Variants in VSTM2L observed in about 807,000 individuals in gnomAD.
VSTM2L encodes V-set and transmembrane domain-containing protein 2-like protein.
In VSTM2L, 9 loss-of-function variants were observed where a neutral mutation model predicts 19.9. The ratio of observed to expected loss-of-function variants is 0.45; its 90% CI spans 0.27 to 0.79. VSTM2L has a LOEUF of 0.79. Ranked by LOEUF, VSTM2L falls within the 30% of genes least tolerant of loss-of-function variation. VSTM2L has a pLI of 0.15. For synonymous variants in VSTM2L, 127 were observed against 133.8 expected, an observed-to-expected ratio of 0.95 and a Z score of 0.35; for missense variants, 286 against 295.5, an observed-to-expected ratio of 0.97 and a Z score of 0.24.
chr20:37,924,614 A>G (rs573870891), intron 1 of VSTM2L, among the ~76,000 whole-genome samples: 41 of 152,206 alleles, frequency 2.7e-4, no homozygotes, highest in African/African-American at 9.9e-4. Flanking sequence ...AGAGCTAGGC[A>G]CGGTGCCTGG....
chr20:37,930,509 C>T (rs535315470), intron 1 of VSTM2L, among the ~76,000 whole-genome samples: 15 of 152,182 alleles, frequency 9.9e-5, no homozygotes, highest in South Asian at 4.2e-4. Flanking sequence ...CGTTGCCAGG[C>T]GTCTTTCCAG....
At chr20:37,939,005 G>T (rs955291754) in intron 3 of VSTM2L, among the ~76,000 whole-genome samples, 2 of 152,184 alleles carry the variant, frequency 1.3e-5, no homozygotes, top group East Asian at 1.9e-4. Context: ...GGTGGGTAAG[G>T]TGTGGCCTCT....
chr20:37,928,078 C>A (rs1400585176), intron 1 of VSTM2L, among the ~76,000 whole-genome samples: 2 of 152,176 alleles, frequency 1.3e-5, no homozygotes, highest in African/African-American at 2.4e-5. Context: ...CCTGGAGAGG[C>A]CACAGCCGTG....
At position 37,944,888 on chromosome 20, in the gene VSTM2L, G is replaced by T; in HGVS notation, c.*635G>T. On this transcript the variant is annotated 3_prime_UTR_variant, in exon 4 of 4. Coordinates refer to ENST00000373461, the MANE Select transcript of VSTM2L (RefSeq NM_080607.3). ...CCTGTGCGACCCTCCAGGGATGCAGGGGATCCAGGATTCTCTGCCCTGTCA... is the reference window on the plus strand; with the variant it reads ...CCTGTGCGACCCTCCAGGGATGCAGTGGATCCAGGATTCTCTGCCCTGTCA... The T allele has an allele frequency of 1.0e-6, 1 of 985,960 alleles. No homozygotes were observed. The highest frequency in any genetic ancestry group is 1.2e-6 in the Non-Finnish European group (1 of 830,058). The allele number at this position is 985,960 out of a possible 1,614,324, so 61.1% of individuals were successfully genotyped here.
At chr20:37,914,114 TGTG>T (rs1233918797) in intron 1 of VSTM2L, among the ~76,000 whole-genome samples, 3 of 150,912 alleles carry the variant, frequency 2.0e-5, no homozygotes, top group Non-Finnish European at 3.0e-5. Context: ...AAGAGGGAAT[TGTG>T]TGTGTGTGTG....
chr20:37,937,018 C>G (rs571071444), intron 3 of VSTM2L, among the ~76,000 whole-genome samples: 1 of 151,888 alleles, frequency 6.6e-6, no homozygotes, highest in South Asian at 2.1e-4. Flanking sequence ...GTCAGGAGTT[C>G]GTGACAAGCC....
chr20:37,903,454 A>G lies in VSTM2L; in HGVS notation c.104A>G (p.Asn35Ser). Reference protein sequence around the residue: ...TRPAGHAPWDNHVSGHALFTE... With the variant: ...TRPAGHAPWDSHVSGHALFTE... The stretch of plus-strand genomic sequence containing the variant: ...CCCGCCGGCCACGCGCCCTGGGACA[A>G]CCACGTCTCCGGCCACGGTGAGTTC... The change falls in exon 1 of 4, where the codon AAC becomes AGC. Residue 35 changes from asparagine to serine, a missense_variant. Coordinates refer to ENST00000373461, the MANE Select transcript of VSTM2L (RefSeq NM_080607.3). 1 of 1,481,986 alleles carries G rather than the reference A, an allele frequency of 6.7e-7. No individual in the cohort carries two copies. Among genetic ancestry groups the G allele is most frequent in the Non-Finnish European group, 8.9e-7 (1 of 1,122,724 alleles). 91.8% of individuals were successfully genotyped at this position (1,481,986 alleles called of 1,614,324 possible). A position where few individuals can be genotyped will look rare whatever the true frequency, so the allele number is the denominator to read the frequency against.
rs145823007 is a variant in VSTM2L at position 37,908,757 on chromosome 20, C to G, written c.121+5286C>G. 1.2e-3 allele frequency among the ~76,000 whole-genome samples: 179 copies of G among 152,216 alleles called. 5 individuals carry two copies. In the South Asian group the frequency reaches 0.035, roughly 30 times the overall value. On this transcript the variant is annotated intron_variant, in intron 1 of 3. Transcript: ENST00000373461. ...GATGGAGGTTGCAGTGAGCTGAGAT[C>G]GTGCCACTGCACTCCAGCCTGGTTG...
At chr20:37,943,917 CCCGACTCTTCTTCT>C in intron 3 of VSTM2L, 50 bp from the exon 4 acceptor site, 1 of 909,514 alleles carries the variant, frequency 1.1e-6, no homozygotes, top group Non-Finnish European at 1.4e-6. Context: ...GACCCCCCCC[CCCGACTCTTCTTCT>C]CCCCCACTGT....
At chr20:37,921,822 T>C (rs111789643) in intron 1 of VSTM2L, among the ~76,000 whole-genome samples, 24 of 145,890 alleles carry the variant, frequency 1.6e-4, no homozygotes, top group African/African-American at 5.7e-4. Context: ...CTTTCTCTCT[T>C]TCTTTCTTTC....
At chr20:37,910,490 T>C (rs1468693531) in intron 1 of VSTM2L, among the ~76,000 whole-genome samples, 1 of 152,216 alleles carries the variant, frequency 6.6e-6, no homozygotes, top group Non-Finnish European at 1.5e-5. Flanking sequence ...CAAATATCAA[T>C]TGGGCACCTG....
chr20:37,909,819 C>T (rs924196691), intron 1 of VSTM2L, among the ~76,000 whole-genome samples: 9 of 152,176 alleles, frequency 5.9e-5, no homozygotes, highest in African/African-American at 1.9e-4. Flanking sequence ...CAGCAGTGGT[C>T]CAGCTGGGGA....
intron 3 of VSTM2L, among the ~76,000 whole-genome samples, chr20:37,936,393 T>C (rs1380192550): frequency 6.6e-6 from 1 of 152,228 alleles, no homozygotes; most frequent in Non-Finnish European, 1.5e-5. Context: ...TCTTAACTGT[T>C]GGGACCTAAT....
At chr20:37,914,431 T>TATA (rs375029553) in intron 1 of VSTM2L, among the ~76,000 whole-genome samples, 2 of 722 alleles carry the variant, frequency 2.8e-3, no homozygotes, top group African/African-American at 5.7e-3. Flanking sequence ...TATGTGTGTA[T>TATA]TGTGTGTATG....
At chr20:37,906,273 G>A (rs1373918313) in intron 1 of VSTM2L, among the ~76,000 whole-genome samples, 3 of 152,168 alleles carry the variant, frequency 2.0e-5, no homozygotes, top group Non-Finnish European at 2.9e-5. Context: ...CTCCACTCAA[G>A]GTACTTGGAA....
chr20:37,945,306 A>AG lies in VSTM2L; in HGVS notation c.*1054dup, dbSNP rs1212440441. 1 of 982,250 alleles carries AG rather than the reference A, an allele frequency of 1.0e-6. No homozygotes were observed. The highest frequency in any genetic ancestry group is 6.2e-5 in the Admixed American group (1 of 16,258). 60.8% of individuals were successfully genotyped at this position (982,250 alleles called of 1,614,324 possible). On this transcript the variant is annotated 3_prime_UTR_variant, in exon 4 of 4. Coordinates refer to ENST00000373461, the MANE Select transcript of VSTM2L (RefSeq NM_080607.3). ...GTGGGTTGCCCTGTATACATGATCC[A>AG]GTCTGTGACTACCAGCCAACCTGAA...
chr20:37,908,201 G>A (rs1250745904), intron 1 of VSTM2L, among the ~76,000 whole-genome samples: 1 of 152,206 alleles, frequency 6.6e-6, no homozygotes, highest in Non-Finnish European at 1.5e-5. Context: ...CCAAACAAGA[G>A]AAGCCGCAGG....
At chr20:37,937,851 C>T (rs2072949332) in intron 3 of VSTM2L, among the ~76,000 whole-genome samples, 1 of 152,096 alleles carries the variant, frequency 6.6e-6, no homozygotes, top group Non-Finnish European at 1.5e-5. Context: ...AGGAGGGCTT[C>T]CTGGAGGAGG....
In VSTM2L at chr20:37,944,826, C is replaced by A; in HGVS notation, c.*573C>A. ...GGAGGCCTAGGGGAACAGCGAGATG[C>A]CCCACCACCTCCTGGCGAGTCCTTC... On this transcript the variant is annotated 3_prime_UTR_variant, in exon 4 of 4. Coordinates refer to ENST00000373461, the MANE Select transcript of VSTM2L (RefSeq NM_080607.3). 3 of 986,032 alleles carry A rather than the reference C, an allele frequency of 3.0e-6. No individual in the cohort carries two copies. The highest frequency in any genetic ancestry group is 3.6e-6 in the Non-Finnish European group (3 of 830,120). 61.1% of individuals were successfully genotyped at this position (986,032 alleles called of 1,614,324 possible).
Sources: gnomAD v4.1 joint callset for allele counts (sites outside exome capture counted in the v4.1 genomes callset) on GRCh38, gnomAD v4.1.1 for gene constraint, MANE v1.5 for transcripts, NCBI Gene and HGNC (gene_info 2026-07-23, HGNC 2026-07-21) for gene names.